SACS: variants seen among roughly 807,000 people sequenced by gnomAD.
SACS encodes the protein sacsin molecular chaperone.
Under a neutral mutation model 348.0 loss-of-function variants are expected in SACS, and 197 were observed. The observed-to-expected ratio is 0.57, with a 90% CI of 0.50 to 0.64. The LOEUF (loss-of-function observed/expected upper bound fraction) is 0.64, where lower values mean the gene tolerates loss of function less well. Ranked by LOEUF, SACS falls within the 30% of genes least tolerant of loss-of-function variation. SACS has a pLI of 0.00. For missense variants in SACS, 4,999 were observed against 5,360.8 expected, an observed-to-expected ratio of 0.93 and a Z score of 2.11; for synonymous variants, 1,985 against 1,910.6, an observed-to-expected ratio of 1.04 and a Z score of -1.02.
chr13:23,375,489 A>G (rs1871719132), intron 2 of SACS: 4 of 1,145,006 alleles, frequency 3.5e-6, no homozygotes, highest in South Asian at 4.4e-5. Flanking sequence ...TCCCGTACGC[A>G]GCAGCCCGCG....
chr13:23,333,793 G>C lies in SACS; in HGVS notation c.10083C>G (p.Ile3361Met). The change falls in exon 10 of 10, where the codon ATC (isoleucine) becomes ATG (methionine). Residue 3361 changes from isoleucine to methionine, a missense_variant. By Grantham distance (10) the Ile-to-Met change is conservative. Coordinates refer to ENST00000382292, the MANE Select transcript of SACS (RefSeq NM_014363.6). The stretch of plus-strand genomic sequence containing the variant: ...GGACCATATAATGTAGAGCCTTCAA[G>C]ATGCTTGTGGGGCTCTCTATATTTG... ...HTANIESPTS[I>M]LKALHYMVQT... The C allele has an allele frequency of 6.2e-7, 1 of 1,613,844 alleles. No individual in the cohort carries two copies. The highest frequency in any genetic ancestry group is 8.5e-7 in the Non-Finnish European group (1 of 1,179,824).
At position 23,368,382 on chromosome 13, in the gene SACS, G is replaced by A. The variant is rs1395728429; in HGVS notation, c.345+20C>T. ...ATTTTTATCAAAGTAAATAACACAT[G>A]AACACGACATGTGCCCCACCTTAAG... is the stretch of plus-strand genomic sequence containing the variant. On this transcript the variant is annotated intron_variant, in intron 5 of 9. Coordinates refer to ENST00000382292, the MANE Select transcript of SACS (RefSeq NM_014363.6). 1.3e-6 allele frequency: 2 copies of A among 1,552,538 alleles called. No homozygotes were observed. Among genetic ancestry groups the A allele is most frequent in the South Asian group, 2.3e-5 (2 of 87,770 alleles).
rs764837003 is a variant in SACS at position 23,355,885 on chromosome 13, G to C, written c.727C>G (p.Leu243Val). ...LKDDSKEISE[L>V]SDQFAPFVGI... Reference sequence around the variant, plus strand: ...ACAAATGGTGCAAACTGGTCTGAAAGTTCACTAATTTCTTTGCTGTCATCT... The same window carrying C: ...ACAAATGGTGCAAACTGGTCTGAAACTTCACTAATTTCTTTGCTGTCATCT... The change falls in exon 8 of 10, where the codon CTT (leucine) becomes GTT (valine). Residue 243 changes from leucine (L) to valine (V), a missense_variant. Around this residue, in one of 6 missense-constraint regions of SACS, gnomAD observed 3,156 missense variants for 3,380.1 expected, o/e 0.93. Coordinates refer to ENST00000382292, the MANE Select transcript of SACS (RefSeq NM_014363.6). 3.1e-6 allele frequency: 5 copies of C among 1,614,036 alleles called. No individual in the cohort carries two copies. The African/African-American group carries it at 6.7e-5, about 22-fold the overall frequency.
chr13:23,381,823 G>A (rs17078675), intron 2 of SACS, among the ~76,000 whole-genome samples: 1 of 152,230 alleles, frequency 6.6e-6, no homozygotes, highest in East Asian at 1.9e-4. Context: ...TGGAGTTAGG[G>A]TGATATTGTC....
intron 9 of SACS, among the ~76,000 whole-genome samples, chr13:23,347,356 G>C (rs1869674263): frequency 6.6e-6 from 1 of 151,960 alleles, no homozygotes; most frequent in African/African-American, 2.4e-5. Flanking sequence ...AAACTTCTAA[G>C]AATTGTTCCA....
intron 2 of SACS, among the ~76,000 whole-genome samples, chr13:23,376,878 C>G (rs1007023755): frequency 2.6e-5 from 4 of 152,100 alleles, no homozygotes; most frequent in Admixed American, 6.5e-5. Flanking sequence ...ATGGTGAAAC[C>G]CTGTCTCTAC....
At position 23,375,290 on chromosome 13, in the gene SACS, C is replaced by T. The variant is rs367767673; in HGVS notation, c.21-21G>A. ...CCCACCTGTGGAAAGCAGAGGGACG[C>T]TCAGTCGGGCTGCGGCTGCCACCCG... is the stretch of plus-strand genomic sequence containing the variant. On this transcript the variant is annotated intron_variant, in intron 2 of 9. Coordinates refer to ENST00000382292, the MANE Select transcript of SACS (RefSeq NM_014363.6). The T allele has an allele frequency of 2.8e-3, 4,017 of 1,422,348 alleles. 9 individuals carry two copies. Among genetic ancestry groups the T allele is most frequent in the Non-Finnish European group, 3.4e-3 (3,699 of 1,077,722 alleles). 88.1% of individuals were successfully genotyped at this position (1,422,348 alleles called of 1,614,324 possible).
intron 1 of SACS, chr13:23,427,659 C>G (rs905964129): frequency 6.6e-6 from 1 of 152,212 alleles, no homozygotes; most frequent in African/African-American, 2.4e-5. Context: ...GAGCTGTTCC[C>G]TGAGCTAAAC....
intron 6 of SACS, among the ~76,000 whole-genome samples, chr13:23,363,868 A>C (rs561671017): frequency 6.6e-6 from 1 of 152,176 alleles, no homozygotes; most frequent in Non-Finnish European, 1.5e-5. Flanking sequence ...GGGCAGTACA[A>C]TGGGGTAGTA....
chr13:23,346,085 C>T (rs779071113), intron 9 of SACS, among the ~76,000 whole-genome samples: 2 of 152,136 alleles, frequency 1.3e-5, no homozygotes, highest in Non-Finnish European at 2.9e-5. Context: ...AGGCTGTGGT[C>T]GCCTAACTTC....
At chr13:23,347,339 T>G (rs925123969) in intron 9 of SACS, among the ~76,000 whole-genome samples, 4 of 152,144 alleles carry the variant, frequency 2.6e-5, no homozygotes, top group Non-Finnish European at 4.4e-5. Flanking sequence ...TAACCAACAA[T>G]AATTACAAAC....
chr13:23,357,447 G>C (rs1161507272), intron 7 of SACS, among the ~76,000 whole-genome samples: 1 of 152,146 alleles, frequency 6.6e-6, no homozygotes, highest in Non-Finnish European at 1.5e-5. Context: ...CTAGAGTTGG[G>C]ATGACCCTAC....
chr13:23,404,828 A>C (rs761343516), intron 2 of SACS, among the ~76,000 whole-genome samples: 4 of 152,176 alleles, frequency 2.6e-5, no homozygotes, highest in Non-Finnish European at 5.9e-5. Context: ...AAAAGAATAA[A>C]ATACCTAAGA....
rs968973004 is a variant in SACS, at chr13:23,355,189, T to C, written c.1423A>G (p.Arg475Gly). Residue 475 changes from arginine to glycine, a missense_variant, in exon 8 of 10, where the codon AGG becomes GGG. Transcript: ENST00000382292. ...SGFFGLTDNRRSIKWRELDQW... is the reference protein window; with the variant it reads ...SGFFGLTDNRGSIKWRELDQW... ...TCCAGCTCTCTCCATTTTATGCTCC[T>C]GCGGTTATCAGTAAGGCCAAAGAAC... 15 of 1,614,076 alleles carry C rather than the reference T, an allele frequency of 9.3e-6. No individual in the cohort carries two copies. Among genetic ancestry groups the C allele is most frequent in the Non-Finnish European group, 1.1e-5 (13 of 1,180,040 alleles).
At chr13:23,403,864 C>G (rs1873092252) in intron 2 of SACS, among the ~76,000 whole-genome samples, 1 of 152,098 alleles carries the variant, frequency 6.6e-6, no homozygotes, top group African/African-American at 2.4e-5. Context: ...TCTTTCCTGC[C>G]TTCTCCTGTG....
intron 2 of SACS, among the ~76,000 whole-genome samples, chr13:23,379,290 C>T (rs1424973026): frequency 1.3e-5 from 2 of 152,222 alleles, no homozygotes; most frequent in African/African-American, 2.4e-5. Context: ...TGTTCATTCA[C>T]GTCATAAAAT....
At chr13:23,352,835 C>G (rs1870053757) in intron 9 of SACS, among the ~76,000 whole-genome samples, 1 of 152,216 alleles carries the variant, frequency 6.6e-6, no homozygotes, top group African/African-American at 2.4e-5. Flanking sequence ...TTTGCCTACT[C>G]ATTTTCTTTT....
intron 6 of SACS, among the ~76,000 whole-genome samples, chr13:23,359,949 T>C (rs1870626296): frequency 6.6e-6 from 1 of 152,176 alleles, no homozygotes; most frequent in East Asian, 1.9e-4. Flanking sequence ...TAGTTAAAGT[T>C]GGAAAGTGCA....
chr13:23,410,101 G>T (rs1484281021), intron 2 of SACS, among the ~76,000 whole-genome samples: 1 of 152,096 alleles, frequency 6.6e-6, no homozygotes, highest in Non-Finnish European at 1.5e-5. Flanking sequence ...TAATATGGAA[G>T]CATTTTAGAA....
Sources: allele counts gnomAD v4.1 joint callset (sites outside exome capture counted in the v4.1 genomes callset), GRCh38; gene constraint gnomAD v4.1.1; regional missense constraint gnomAD v4.1.1; transcripts MANE v1.5; gene names NCBI Gene and HGNC (gene_info 2026-07-23, HGNC 2026-07-21).